PRDM5: variants seen among roughly 807,000 people sequenced by gnomAD.
The protein encoded by PRDM5 is PR/SET domain 5.
In PRDM5, 56 loss-of-function variants were observed where a neutral mutation model predicts 81.2. That is an observed-to-expected ratio of 0.69 (90% CI 0.56 to 0.86). PRDM5 has a LOEUF of 0.86. Among genes scored for constraint, PRDM5 ranks in the 40% least tolerant of loss-of-function variants. The pLI is 0.00. For missense variants in PRDM5, 697 were observed against 770.1 expected (o/e 0.91, Z 1.12); for synonymous variants, 267 against 256.4 (o/e 1.04, Z -0.39).
chr4:120,893,253 T>C (rs976404519), intron 2 of PRDM5, among the ~76,000 whole-genome samples: 20 of 152,212 alleles, frequency 1.3e-4, no homozygotes, highest in Non-Finnish European at 2.6e-4. Flanking sequence ...CCCTTTTCCA[T>C]GTCCGAGAGG....
chr4:120,825,062 AAG>A (rs1755783413), intron 3 of PRDM5, among the ~76,000 whole-genome samples: 2 of 152,130 alleles, frequency 1.3e-5, no homozygotes, highest in South Asian at 2.1e-4. Flanking sequence ...ATGGCAACCA[AAG>A]AGAGCAGGAC....
chr4:120,774,054 A>G lies in PRDM5; in HGVS notation c.1537+3134T>C, dbSNP rs150834655. ...TTTTCTAATATGGTAAACAGCTTTA[A>G]TTTCTAATATGGCAAATAGTTATAG... is the stretch of plus-strand genomic sequence containing the variant. On this transcript the variant is annotated intron_variant, in intron 13 of 15. Coordinates refer to ENST00000264808, the MANE Select transcript of PRDM5 (RefSeq NM_018699.4). Among the ~76,000 whole-genome samples the G allele has an allele frequency of 3.0e-4, 45 of 152,338 alleles. No homozygotes were observed. In the East Asian group the frequency reaches 5.6e-3, roughly 19 times the overall value.
downstream of PRDM5, among the ~76,000 whole-genome samples, chr4:120,689,820 G>A (rs1733969676): frequency 6.6e-6 from 1 of 151,952 alleles, no homozygotes; most frequent in South Asian, 2.1e-4. Flanking sequence ...TCGCCATGTT[G>A]CACAGGCTGT....
intron 11 of PRDM5, among the ~76,000 whole-genome samples, 160 bp downstream of exon 11, chr4:120,784,837 GA>G (rs894239598): frequency 6.4e-4 from 97 of 151,866 alleles, no homozygotes; most frequent in Middle Eastern, 3.4e-3. Flanking sequence ...AATATAAAGC[GA>G]AAAAAAGTGA....
rs574601565 is a variant in PRDM5 at position 120,915,057 on chromosome 4, C to T, written c.93+7459G>A. Reference sequence around the variant, plus strand: ...CATATTGGATTTAATATACATTACTCAGTGAGTGGTACACCAAAATCTCAA... The same window carrying T: ...CATATTGGATTTAATATACATTACTTAGTGAGTGGTACACCAAAATCTCAA... On this transcript the variant is annotated intron_variant, in intron 1 of 15. Transcript: ENST00000264808. 4.6e-5 allele frequency among the ~76,000 whole-genome samples: 7 copies of T among 152,214 alleles called. No individual in the cohort carries two copies. The East Asian group carries it at 1.4e-3, about 29-fold the overall frequency.
intron 4 of PRDM5, among the ~76,000 whole-genome samples, chr4:120,820,142 T>A (rs1293476972): frequency 2.0e-5 from 3 of 152,222 alleles, no homozygotes; most frequent in Non-Finnish European, 4.4e-5. Context: ...TATTAAGAGG[T>A]GGGCCCTTTA....
intron 14 of PRDM5, among the ~76,000 whole-genome samples, chr4:120,721,313 T>C (rs1280299020): frequency 6.6e-6 from 1 of 152,192 alleles, no homozygotes; most frequent in East Asian, 1.9e-4. Flanking sequence ...TAGGGATCTT[T>C]TTAAAAACAT....
chr4:120,878,186 C>T (rs1292103517), intron 2 of PRDM5, among the ~76,000 whole-genome samples: 1 of 152,074 alleles, frequency 6.6e-6, no homozygotes, highest in African/African-American at 2.4e-5. Flanking sequence ...CACCTATGAC[C>T]TTTCTCCCTA....
At chr4:120,906,502 A>G (rs759525588) in intron 2 of PRDM5, among the ~76,000 whole-genome samples, 14 of 152,210 alleles carry the variant, frequency 9.2e-5, no homozygotes, top group Non-Finnish European at 1.6e-4. Flanking sequence ...ATGCATATAT[A>G]ATTCCTAGGA....
chr4:120,893,720 T>A (rs1764312060), intron 2 of PRDM5, among the ~76,000 whole-genome samples: 2 of 152,242 alleles, frequency 1.3e-5, no homozygotes, highest in East Asian at 3.8e-4. Flanking sequence ...TTCGCCTATT[T>A]CTACTGCTAA....
chr4:120,906,515 G>A (rs56311699), intron 2 of PRDM5, among the ~76,000 whole-genome samples: 14,250 of 152,144 alleles, frequency 0.094, 827 homozygotes, highest in South Asian at 0.2. Context: ...TCCTAGGACT[G>A]CATTTTCCAA....
chr4:120,732,625 A>C (rs886515729), intron 14 of PRDM5, among the ~76,000 whole-genome samples: 2 of 152,168 alleles, frequency 1.3e-5, no homozygotes, highest in Admixed American at 1.3e-4. Context: ...ACAGGTAATA[A>C]TTTTATATAA....
At chr4:120,734,116 G>A (rs1740688786) in intron 14 of PRDM5, among the ~76,000 whole-genome samples, 1 of 152,102 alleles carries the variant, frequency 6.6e-6, no homozygotes, top group Non-Finnish European at 1.5e-5. Context: ...AGAGTGTCCA[G>A]GAGGAAGGGG....
intron 13 of PRDM5, among the ~76,000 whole-genome samples, chr4:120,768,281 C>T (rs555447577): frequency 6.6e-6 from 1 of 152,098 alleles, no homozygotes; most frequent in East Asian, 1.9e-4. Context: ...AGTCAAAAGA[C>T]CTGTGTTTTA....
chr4:120,781,129 A>G lies in PRDM5; in HGVS notation c.1443+14T>C. 1 of 1,609,138 alleles carries G rather than the reference A, an allele frequency of 6.2e-7. No individual in the cohort carries two copies. The highest frequency in any genetic ancestry group is 8.5e-7 in the Non-Finnish European group (1 of 1,175,894). On this transcript the variant is annotated intron_variant, in intron 12 of 15. Transcript: ENST00000264808. ...CACGTAATCTGTTCAAACTAACAGA[A>G]GACTTCCACTTACTTTCTTATGACT...
At chr4:120,828,503 A>G (rs1401739270) in intron 3 of PRDM5, among the ~76,000 whole-genome samples, 1 of 152,144 alleles carries the variant, frequency 6.6e-6, no homozygotes, top group South Asian at 2.1e-4. Context: ...CAGGTCAGGA[A>G]TGAAGTAGAA....
downstream of PRDM5, among the ~76,000 whole-genome samples, chr4:120,690,298 C>G (rs1261580780): frequency 2.6e-5 from 4 of 152,036 alleles, no homozygotes; most frequent in Non-Finnish European, 4.4e-5. Flanking sequence ...ATACATGTGT[C>G]CAGATAAATT....
chr4:120,754,793 G>T (rs1430384938), intron 13 of PRDM5, among the ~76,000 whole-genome samples, 155 bp from the exon 14 acceptor site: 1 of 152,186 alleles, frequency 6.6e-6, no homozygotes, highest in Non-Finnish European at 1.5e-5. Flanking sequence ...TCCAAGCATG[G>T]GTCGTGCAGG....
intron 3 of PRDM5, among the ~76,000 whole-genome samples, chr4:120,840,783 G>GC (rs1045848613): frequency 6.6e-6 from 1 of 152,238 alleles, no homozygotes; most frequent in Non-Finnish European, 1.5e-5. Flanking sequence ...GCGGCAGGCT[G>GC]CAGGGGGCTA....
Sources: allele counts gnomAD v4.1 joint callset (sites outside exome capture counted in the v4.1 genomes callset), GRCh38; gene constraint gnomAD v4.1.1; transcripts MANE v1.5; gene names NCBI Gene and HGNC (gene_info 2026-07-23, HGNC 2026-07-21).